The following MISP3 variants were observed in gnomAD, a reference collection of about 807,000 sequenced individuals.
MISP3 encodes the protein uncharacterized protein MISP3.
In MISP3, 9 loss-of-function variants were observed where a neutral mutation model predicts 5.5. The ratio of observed to expected loss-of-function variants is 1.65; its 90% CI spans 0.99 to 2.87. The LOEUF is 2.87. Among genes scored for constraint, MISP3 ranks in the 30% most tolerant of loss-of-function variants. The pLI, the probability that MISP3 is intolerant of heterozygous loss-of-function variation, is 0.00. For missense variants in MISP3, 152 were observed against 84.1 expected (o/e 1.81, Z -3.16); for synonymous variants, 87 against 38.1 (o/e 2.28, Z -4.73).
In MISP3 at chr19:14,073,215, C is replaced by A. The variant is rs749573950; in HGVS notation, c.-95C>A. 1 of 675,636 alleles carries A rather than the reference C, an allele frequency of 1.5e-6. No homozygotes were observed. The allele number at this position is 675,636 out of a possible 1,614,324, so 41.9% of individuals were successfully genotyped here. Reference sequence around the variant, plus strand: ...CAGGGGCAGCATCCCCCTCCAGGCCCTAAGACCTCCTCCTCCAGGTCAGGC... The same window carrying A: ...CAGGGGCAGCATCCCCCTCCAGGCCATAAGACCTCCTCCTCCAGGTCAGGC... On this transcript the variant is annotated 5_prime_UTR_variant, in exon 1 of 3. Coordinates refer to ENST00000587086, the MANE Select transcript of MISP3 (RefSeq NM_001291291.2). The surrounding 1 kb of genome is among the most constrained non-coding windows in gnomAD (Gnocchi z 8.5).
At position 14,074,972 on chromosome 19, in the gene MISP3, T is replaced by G. The variant is rs1976668203; in HGVS notation, c.*249T>G. 9.8e-6 allele frequency: 5 copies of G among 508,166 alleles called. No individual in the cohort carries two copies. The highest frequency in any genetic ancestry group is 1.5e-5 in the Non-Finnish European group (4 of 274,738). The allele number at this position is 508,166 out of a possible 1,614,324, so 31.5% of individuals were successfully genotyped here. On this transcript the variant is annotated 3_prime_UTR_variant, in exon 3 of 3. Coordinates refer to ENST00000587086, the MANE Select transcript of MISP3 (RefSeq NM_001291291.2). This position sits in a 1 kb window ranked among gnomAD's most constrained non-coding sequence, Gnocchi z 4.4. ...TTCTCTGCCTAATTGCAAACTGAAC[T>G]ACCCTCTCCCTTGACTGTTAAGAGG...
At position 14,075,017 on chromosome 19, in the gene MISP3, T is replaced by G; in HGVS notation, c.*294T>G. ...AAGAGGGCCGGAGTTACCGCCTCGA[T>G]TGCCCCACTCCCCCCACCCCCAATA... On this transcript the variant is annotated 3_prime_UTR_variant, in exon 3 of 3. Transcript: ENST00000587086. 2 of 347,944 alleles carry G rather than the reference T, an allele frequency of 5.7e-6. No individual in the cohort carries two copies. Among genetic ancestry groups the G allele is most frequent in the Non-Finnish European group, 5.4e-6 (1 of 183,902 alleles). The allele number at this position is 347,944 out of a possible 1,614,324, so 21.6% of individuals were successfully genotyped here.
chr19:14,073,821 A>G lies in MISP3; in HGVS notation c.512A>G (p.Gln171Arg), dbSNP rs1426289043. 2.8e-6 allele frequency: 2 copies of G among 701,840 alleles called. No homozygotes were observed. Among genetic ancestry groups the G allele is most frequent in the Non-Finnish European group, 5.2e-6 (2 of 384,524 alleles). The allele number at this position is 701,840 out of a possible 1,614,324, so 43.5% of individuals were successfully genotyped here. The stretch of plus-strand genomic sequence containing the variant: ...GAGCGCGAGCAGGAACTGCAGCGCC[A>G]GCGGCGCAGCGTCTATGGCACCGCG... ...VREREQELQR[Q>R]RRSVYGTAEF... The change falls in exon 1 of 3, where the codon CAG becomes CGG. Residue 171 changes from glutamine to arginine, a missense_variant. Transcript: ENST00000587086. This position sits in a 1 kb window ranked among gnomAD's most constrained non-coding sequence, Gnocchi z 8.5.
Position 14,074,807 on chromosome 19 carries a change from A to G in MISP3, c.*84A>G. 1.5e-6 allele frequency: 1 copy of G among 683,290 alleles called. No homozygotes were observed. The highest frequency in any genetic ancestry group is 2.7e-6 in the Non-Finnish European group (1 of 368,578). 42.3% of individuals were successfully genotyped at this position (683,290 alleles called of 1,614,324 possible). ...GGGGGGCGTCTAGCATTAGGCCTGGAGAAGGGTCGGCTCTCTGCATTGGGG... is the reference window on the plus strand; with the variant it reads ...GGGGGGCGTCTAGCATTAGGCCTGGGGAAGGGTCGGCTCTCTGCATTGGGG... On this transcript the variant is annotated 3_prime_UTR_variant, in exon 3 of 3. Transcript: ENST00000587086. The surrounding 1 kb of genome is among the most constrained non-coding windows in gnomAD (Gnocchi z 4.4).
chr19:14,073,976 G>A lies in MISP3; in HGVS notation c.568+99G>A, dbSNP rs1216091882. 2 of 642,010 alleles carry A rather than the reference G, an allele frequency of 3.1e-6. No individual in the cohort carries two copies. The highest frequency in any genetic ancestry group is 1.7e-5 in the South Asian group (1 of 60,512). The allele number at this position is 642,010 out of a possible 1,614,324, so 39.8% of individuals were successfully genotyped here. A position where few individuals can be genotyped will look rare whatever the true frequency, so the allele number is the denominator to read the frequency against. ...CCCCTCCTGTGGCCCTCCGATTCTCGGGGTCTCTCCCTCCAAGCTCCCAGA... is the reference window on the plus strand; with the variant it reads ...CCCCTCCTGTGGCCCTCCGATTCTCAGGGTCTCTCCCTCCAAGCTCCCAGA... On this transcript the variant is annotated intron_variant, in intron 1 of 2. Coordinates refer to ENST00000587086, the MANE Select transcript of MISP3 (RefSeq NM_001291291.2). The surrounding 1 kb of genome is among the most constrained non-coding windows in gnomAD (Gnocchi z 8.5).
chr19:14,074,969 AACT>A lies in MISP3; in HGVS notation c.*249_*251del. On this transcript the variant is annotated 3_prime_UTR_variant, in exon 3 of 3. Coordinates refer to ENST00000587086, the MANE Select transcript of MISP3 (RefSeq NM_001291291.2). The surrounding 1 kb of genome is among the most constrained non-coding windows in gnomAD (Gnocchi z 4.4). The stretch of plus-strand genomic sequence containing the variant: ...CCCTTCTCTGCCTAATTGCAAACTG[AACT>A]ACCCTCTCCCTTGACTGTTAAGAGG... 1.8e-6 allele frequency: 1 copy of A among 545,994 alleles called. No individual in the cohort carries two copies. The highest frequency in any genetic ancestry group is 3.0e-5 in the Admixed American group (1 of 33,800). 33.8% of individuals were successfully genotyped at this position (545,994 alleles called of 1,614,324 possible). A position where few individuals can be genotyped will look rare whatever the true frequency, so the allele number is the denominator to read the frequency against.
In MISP3 at chr19:14,073,415, G is replaced by A; in HGVS notation, c.106G>A (p.Glu36Lys). Residue 36 changes from glutamate to lysine, a missense_variant, in exon 1 of 3, where the codon GAG (glutamate) becomes AAG (lysine). Coordinates refer to ENST00000587086, the MANE Select transcript of MISP3 (RefSeq NM_001291291.2). The surrounding 1 kb of genome is among the most constrained non-coding windows in gnomAD (Gnocchi z 8.5). ...GGGCCGCGCAGGCCGTGAACTCGTC[G>A]AGCTGCGCGTGCGGCCGGTGCTCAA... ...SPGRAGRELV[E>K]LRVRPVLNLP... 1 of 676,368 alleles carries A rather than the reference G, an allele frequency of 1.5e-6. No individual in the cohort carries two copies. Among genetic ancestry groups the A allele is most frequent in the Non-Finnish European group, 2.7e-6 (1 of 374,658 alleles). The allele number at this position is 676,368 out of a possible 1,614,324, so 41.9% of individuals were successfully genotyped here.
chr19:14,074,900 G>A lies in MISP3; in HGVS notation c.*177G>A. 5.0e-6 allele frequency: 3 copies of A among 603,738 alleles called. No homozygotes were observed. The highest frequency in any genetic ancestry group is 2.6e-5 in the Admixed American group (1 of 38,732). The allele number at this position is 603,738 out of a possible 1,614,324, so 37.4% of individuals were successfully genotyped here. A position where few individuals can be genotyped will look rare whatever the true frequency, so the allele number is the denominator to read the frequency against. ...CTATAAAACTTACAGTCCCCCATTG[G>A]GAAACTGACCACCACCCACAACTCC... On this transcript the variant is annotated 3_prime_UTR_variant, in exon 3 of 3. Coordinates refer to ENST00000587086, the MANE Select transcript of MISP3 (RefSeq NM_001291291.2). The surrounding 1 kb of genome is among the most constrained non-coding windows in gnomAD (Gnocchi z 4.4).
rs887153715 is a variant in MISP3, at chr19:14,073,789, C to A, written c.480C>A (p.Ala160=). Residue 160 remains alanine (A), a synonymous_variant, in exon 1 of 3, where the codon GCC becomes GCA. Coordinates refer to ENST00000587086, the MANE Select transcript of MISP3 (RefSeq NM_001291291.2). This position sits in a 1 kb window ranked among gnomAD's most constrained non-coding sequence, Gnocchi z 8.5. ...TPSLLEQEVR[A]VREREQELQR... Reference sequence around the variant, plus strand: ...CACTGCTGGAGCAGGAGGTGCGCGCCGTGCGCGAGCGCGAGCAGGAACTGC... The same window carrying A: ...CACTGCTGGAGCAGGAGGTGCGCGCAGTGCGCGAGCGCGAGCAGGAACTGC... 16 of 701,052 alleles carry A rather than the reference C, an allele frequency of 2.3e-5. No homozygotes were observed. The highest frequency in any genetic ancestry group is 3.1e-5 in the Non-Finnish European group (12 of 384,280). 43.4% of individuals were successfully genotyped at this position (701,052 alleles called of 1,614,324 possible).
chr19:14,074,954 C>T lies in MISP3; in HGVS notation c.*231C>T. ...AGTGAAACTGCCCAGCCCTTCTCTG[C>T]CTAATTGCAAACTGAACTACCCTCT... On this transcript the variant is annotated 3_prime_UTR_variant, in exon 3 of 3. Transcript: ENST00000587086. This position sits in a 1 kb window ranked among gnomAD's most constrained non-coding sequence, Gnocchi z 4.4. 1 of 562,988 alleles carries T rather than the reference C, an allele frequency of 1.8e-6. No homozygotes were observed. Among genetic ancestry groups the T allele is most frequent in the East Asian group, 2.9e-5 (1 of 34,570 alleles). 34.9% of individuals were successfully genotyped at this position (562,988 alleles called of 1,614,324 possible).
rs748202720 is a variant in MISP3, at chr19:14,073,153, C to T, written c.-157C>T. On this transcript the variant is annotated 5_prime_UTR_variant, in exon 1 of 3. In the 5' UTR this introduces an upstream ATG that the reference lacks. Transcript: ENST00000587086. The surrounding 1 kb of genome is among the most constrained non-coding windows in gnomAD (Gnocchi z 8.5). ...TTGAGAGTCCTGAGCCAGGCAGAGA[C>T]GACCCTGGGCCGTCCGAAGCGCAAA... The T allele has an allele frequency of 4.5e-5, 30 of 670,522 alleles. No individual in the cohort carries two copies. Among genetic ancestry groups the T allele is most frequent in the Non-Finnish European group, 8.0e-5 (29 of 364,376 alleles). 41.5% of individuals were successfully genotyped at this position (670,522 alleles called of 1,614,324 possible). A position where few individuals can be genotyped will look rare whatever the true frequency, so the allele number is the denominator to read the frequency against.
In MISP3 at chr19:14,074,591, C is replaced by T; in HGVS notation, c.643-115C>T. 1 of 683,718 alleles carries T rather than the reference C, an allele frequency of 1.5e-6. No individual in the cohort carries two copies. Among genetic ancestry groups the T allele is most frequent in the South Asian group, 1.5e-5 (1 of 66,922 alleles). 42.4% of individuals were successfully genotyped at this position (683,718 alleles called of 1,614,324 possible). A position where few individuals can be genotyped will look rare whatever the true frequency, so the allele number is the denominator to read the frequency against. On this transcript the variant is annotated intron_variant, in intron 2 of 2. Coordinates refer to ENST00000587086, the MANE Select transcript of MISP3 (RefSeq NM_001291291.2). This position sits in a 1 kb window ranked among gnomAD's most constrained non-coding sequence, Gnocchi z 4.4. ...ACTCTGGTCAGAACTCAGTCTGGGA[C>T]GCATCCCCGGGGTGAAGAGGAGACG...
At position 14,074,177 on chromosome 19, in the gene MISP3, T is replaced by C. The variant is rs1003223982; in HGVS notation, c.569-213T>C. On this transcript the variant is annotated intron_variant, in intron 1 of 2. Coordinates refer to ENST00000587086, the MANE Select transcript of MISP3 (RefSeq NM_001291291.2). This position sits in a 1 kb window ranked among gnomAD's most constrained non-coding sequence, Gnocchi z 4.4. ...GTTCCAGGGAACCCTGACTGGGTTC[T>C]GGCACTCCTGGGTCCTCCCTCTGAA... 3.0e-5 allele frequency: 18 copies of C among 595,854 alleles called. No individual in the cohort carries two copies. The highest frequency in any genetic ancestry group is 4.8e-5 in the Non-Finnish European group (16 of 335,546). The allele number at this position is 595,854 out of a possible 1,614,324, so 36.9% of individuals were successfully genotyped here.
rs1961487904 is a variant in MISP3 at position 14,073,658 on chromosome 19, G to A, written c.349G>A (p.Asp117Asn). 5.3e-6 allele frequency: 2 copies of A among 378,882 alleles called. No individual in the cohort carries two copies. The highest frequency in any genetic ancestry group is 2.1e-5 in the African/African-American group (1 of 47,682). The allele number at this position is 378,882 out of a possible 1,614,324, so 23.5% of individuals were successfully genotyped here. The change falls in exon 1 of 3, where the codon GAC (aspartate) becomes AAC (asparagine). Residue 117 changes from aspartate (D) to asparagine (N), a missense_variant. By Grantham distance (23) the Asp-to-Asn change is conservative. Coordinates refer to ENST00000587086, the MANE Select transcript of MISP3 (RefSeq NM_001291291.2). This position sits in a 1 kb window ranked among gnomAD's most constrained non-coding sequence, Gnocchi z 8.5. Reference protein sequence around the residue: ...AGSGSSAGAGDGAGPQRLPEP... With the variant: ...AGSGSSAGAGNGAGPQRLPEP... ...GAGCGGCTCCTCGGCGGGGGCGGGG[G>A]ACGGCGCGGGCCCGCAGAGGCTGCC...
chr19:14,074,367 G>A lies in MISP3; in HGVS notation c.569-23G>A. On this transcript the variant is annotated intron_variant, in intron 1 of 2. Coordinates refer to ENST00000587086, the MANE Select transcript of MISP3 (RefSeq NM_001291291.2). The surrounding 1 kb of genome is among the most constrained non-coding windows in gnomAD (Gnocchi z 4.4). ...CATCCTGGCTGCCGCCAGCTGGTGAGCTGAGCGCCCCTTCCCCCGCAGCGA... is the reference window on the plus strand; with the variant it reads ...CATCCTGGCTGCCGCCAGCTGGTGAACTGAGCGCCCCTTCCCCCGCAGCGA... 1 of 702,336 alleles carries A rather than the reference G, an allele frequency of 1.4e-6. No homozygotes were observed. The highest frequency in any genetic ancestry group is 2.6e-6 in the Non-Finnish European group (1 of 384,712). The allele number at this position is 702,336 out of a possible 1,614,324, so 43.5% of individuals were successfully genotyped here.
Position 14,073,355 on chromosome 19 carries a change from G to A in MISP3, c.46G>A (p.Glu16Lys), listed in dbSNP as rs1261421892. 3 of 699,626 alleles carry A rather than the reference G, an allele frequency of 4.3e-6. No individual in the cohort carries two copies. The highest frequency in any genetic ancestry group is 1.8e-5 in the African/African-American group (1 of 57,062). 43.3% of individuals were successfully genotyped at this position (699,626 alleles called of 1,614,324 possible). A position where few individuals can be genotyped will look rare whatever the true frequency, so the allele number is the denominator to read the frequency against. ...EREIRRSCER[E>K]ESLRRSRGLS... The stretch of plus-strand genomic sequence containing the variant: ...CGAAATCCGCCGCAGCTGCGAACGC[G>A]AGGAGAGCCTGCGCCGGAGCCGGGG... Residue 16 changes from glutamate to lysine, a missense_variant, in exon 1 of 3, where the codon GAG (glutamate) becomes AAG (lysine). Transcript: ENST00000587086. The surrounding 1 kb of genome is among the most constrained non-coding windows in gnomAD (Gnocchi z 8.5).
rs1976662443 is a variant in MISP3 at position 14,074,722 on chromosome 19, G to T, written c.659G>T (p.Ter220LeuextTer45). The change falls in exon 3 of 3, where the codon TGA (stop) becomes TTA (leucine). Residue 220 changes from the stop codon to leucine, a stop_lost. Coordinates refer to ENST00000587086, the MANE Select transcript of MISP3 (RefSeq NM_001291291.2). The surrounding 1 kb of genome is among the most constrained non-coding windows in gnomAD (Gnocchi z 4.4). ...TGTCCCCAGGAGGAGCGCAAACCTT[G>T]AGGTTTGAAAAGGCTGGGACCCCCG... ...NGLEQEERKP[*>L] The T allele has an allele frequency of 2.8e-6, 2 of 702,226 alleles. No individual in the cohort carries two copies. Among genetic ancestry groups the T allele is most frequent in the Non-Finnish European group, 5.2e-6 (2 of 384,440 alleles). 43.5% of individuals were successfully genotyped at this position (702,226 alleles called of 1,614,324 possible).
rs1976669615 is a variant in MISP3, at chr19:14,075,038, C to T, written c.*315C>T. 1 of 348,358 alleles carries T rather than the reference C, an allele frequency of 2.9e-6. No homozygotes were observed. The highest frequency in any genetic ancestry group is 4.6e-5 in the East Asian group (1 of 21,768). The allele number at this position is 348,358 out of a possible 1,614,324, so 21.6% of individuals were successfully genotyped here. A position where few individuals can be genotyped will look rare whatever the true frequency, so the allele number is the denominator to read the frequency against. ...TCGATTGCCCCACTCCCCCCACCCC[C>T]AATAAAGCCTCTTCTTTCAGGGCAC... On this transcript the variant is annotated 3_prime_UTR_variant, in exon 3 of 3. Coordinates refer to ENST00000587086, the MANE Select transcript of MISP3 (RefSeq NM_001291291.2).
In MISP3 at chr19:14,073,794, G is replaced by C. The variant is rs1315951935; in HGVS notation, c.485G>C (p.Arg162Pro). Residue 162 changes from arginine (R) to proline (P), a missense_variant, in exon 1 of 3, where the codon CGC (arginine) becomes CCC (proline). Arg to Pro is a moderately radical substitution (Grantham distance 103, BLOSUM62 -2). Transcript: ENST00000587086. This position sits in a 1 kb window ranked among gnomAD's most constrained non-coding sequence, Gnocchi z 8.5. ...SLLEQEVRAVREREQELQRQR... is the reference protein window; with the variant it reads ...SLLEQEVRAVPEREQELQRQR... The stretch of plus-strand genomic sequence containing the variant: ...CTGGAGCAGGAGGTGCGCGCCGTGC[G>C]CGAGCGCGAGCAGGAACTGCAGCGC... The C allele has an allele frequency of 1.4e-6, 1 of 701,242 alleles. No homozygotes were observed. The highest frequency in any genetic ancestry group is 2.0e-5 in the Admixed American group (1 of 49,970). The allele number at this position is 701,242 out of a possible 1,614,324, so 43.4% of individuals were successfully genotyped here. A position where few individuals can be genotyped will look rare whatever the true frequency, so the allele number is the denominator to read the frequency against.
Sources: allele counts gnomAD v4.1 joint callset, GRCh38; gene constraint gnomAD v4.1.1; non-coding constraint Gnocchi (gnomAD v3.1); transcripts MANE v1.5; gene names NCBI Gene and HGNC (gene_info 2026-07-23, HGNC 2026-07-21).